SLC49A3: variants seen among roughly 807,000 people sequenced by gnomAD.
SLC49A3 encodes the protein solute carrier family 49 member 3.
A neutral mutation model predicts 43.8 loss-of-function variants in SLC49A3; 50 were observed. The observed-to-expected ratio is 1.14, with a 90% CI of 0.91 to 1.45. SLC49A3 has a LOEUF of 1.45. Among genes scored for constraint, SLC49A3 ranks in the 40% most tolerant of loss-of-function variants. The pLI is 0.00. For synonymous variants in SLC49A3, 413 were observed against 352.0 expected (o/e 1.17, Z -1.94); for missense variants, 906 against 774.1 (o/e 1.17, Z -2.02).
At chr4:677,759 T>G (rs117608218), downstream of SLC49A3, among the ~76,000 whole-genome samples, 1,792 of 151,844 alleles carry the variant, frequency 0.012, 21 homozygotes, top group South Asian at 0.039. Context: ...CTCCCCGGGG[T>G]TCGGGGACAG....
At chr4:683,814 T>A (rs985689450) in intron 6 of SLC49A3, 53 bp from the exon 7 acceptor site, 1 of 1,522,288 alleles carries the variant, frequency 6.6e-7, no homozygotes, top group Non-Finnish European at 8.8e-7. Context: ...TTATCCTAGG[T>A]GCATGCCGTC....
chr4:688,957 G>A, intron 1 of SLC49A3, 36 bp downstream of exon 1: 1 of 1,575,032 alleles, frequency 6.3e-7, no homozygotes, highest in Non-Finnish European at 8.6e-7. Flanking sequence ...AGGGACTGAG[G>A]GTCCCGGAGC....
At chr4:678,383 T>C (rs1022172188), downstream of SLC49A3, 2 of 1,414,222 alleles carry the variant, frequency 1.4e-6, no homozygotes, top group African/African-American at 2.9e-5. Flanking sequence ...TGGCTCCTGC[T>C]GGACGGCGAT....
chr4:681,187 C>G, downstream of SLC49A3: 1 of 1,575,064 alleles, frequency 6.3e-7, no homozygotes, highest in Non-Finnish European at 8.6e-7. Context: ...GAGGGCGGGG[C>G]TCCCGGGGTC....
chr4:686,289 G>C lies in SLC49A3; in HGVS notation c.308C>G (p.Ala103Gly). ...CACACTCCCGGCAAAGTTCAGCCAC[G>C]CACCCAGGATGGTCTGCGAGGAGGG... ...VGLRAATILGAWLNFAGSVLR... is the reference protein window; with the variant it reads ...VGLRAATILGGWLNFAGSVLR... Residue 103 changes from alanine (A) to glycine (G), a missense_variant, in exon 3 of 10, where the codon GCG (alanine) becomes GGG (glycine). Coordinates refer to ENST00000322224, the MANE Select transcript of SLC49A3 (RefSeq NM_032219.4). 1 of 1,613,242 alleles carries C rather than the reference G, an allele frequency of 6.2e-7. No homozygotes were observed. The highest frequency in any genetic ancestry group is 8.5e-7 in the Non-Finnish European group (1 of 1,180,010).
Position 683,367 on chromosome 4 carries a change from C to T in SLC49A3, c.994G>A (p.Val332Met), listed in dbSNP as rs146909066. The T allele has an allele frequency of 2.2e-5, 35 of 1,607,004 alleles. No homozygotes were observed. Among genetic ancestry groups the T allele is most frequent in the Admixed American group, 3.4e-5 (2 of 59,194 alleles). The change falls in exon 8 of 10, where the codon GTG becomes ATG. Residue 332 changes from valine (V) to methionine (M), a missense_variant and splice_region_variant. Val to Met is a conservative substitution (Grantham distance 21). Transcript: ENST00000322224. The stretch of plus-strand genomic sequence containing the variant: ...AGGGTCTGTCCCTGCAGCTGGGACA[C>T]CTGGGAGCAGCGGAACGGCAGGCAG... ...FSLACVPFAL[V>M]SQLQGQTLAL...
At chr4:678,069 G>T (rs759531676), downstream of SLC49A3, 7 of 1,610,760 alleles carry the variant, frequency 4.3e-6, no homozygotes, top group Non-Finnish European at 5.9e-6. Flanking sequence ...AGGCGTGTGG[G>T]TGTGAGCTGT....
chr4:679,772 C>G (rs953792878), downstream of SLC49A3: 6 of 667,604 alleles, frequency 9.0e-6, no homozygotes, highest in African/African-American at 9.1e-5. Context: ...ACCCACTGCC[C>G]CACGTGCCTG....
chr4:681,192 G>A, downstream of SLC49A3: 2 of 1,565,226 alleles, frequency 1.3e-6, no homozygotes, highest in Non-Finnish European at 1.7e-6. Context: ...CGGGGCTCCC[G>A]GGGTCAGCTG....
chr4:681,034 C>A, downstream of SLC49A3: 4 of 1,552,232 alleles, frequency 2.6e-6, no homozygotes, highest in South Asian at 4.7e-5. Flanking sequence ...CTGAGCCCCA[C>A]CGAGAAGGCT....
upstream of SLC49A3, among the ~76,000 whole-genome samples, chr4:691,563 C>T (rs1253293949): frequency 6.6e-6 from 1 of 151,714 alleles, no homozygotes; most frequent in African/African-American, 2.4e-5. Flanking sequence ...CCACTGCACT[C>T]CAACCTGGGC....
At chr4:689,349 C>T (rs1270702327), upstream of SLC49A3, 2 of 318,514 alleles carry the variant, frequency 6.3e-6, no homozygotes, top group Admixed American at 5.0e-5. Flanking sequence ...GAAGTTGGAC[C>T]CTCCTCCTTC....
chr4:682,456 G>C, intron 9 of SLC49A3, 80 bp from the exon 10 acceptor site: 3 of 1,268,356 alleles, frequency 2.4e-6, no homozygotes, highest in Non-Finnish European at 3.0e-6. Flanking sequence ...GGCCTATGGT[G>C]ACCCCACTAC....
At chr4:678,536 C>G, downstream of SLC49A3, 8 of 1,465,230 alleles carry the variant, frequency 5.5e-6, no homozygotes, top group South Asian at 4.3e-5. Flanking sequence ...GCTGTCTGGC[C>G]CCCTCCAGCC....
intron 5 of SLC49A3, 58 bp from the exon 6 acceptor site, chr4:684,657 C>T: frequency 1.2e-6 from 2 of 1,608,338 alleles, no homozygotes; most frequent in South Asian, 1.1e-5. Flanking sequence ...AACCCATCGC[C>T]TCCTCAGCCT....
chr4:678,469 T>A, downstream of SLC49A3: 2 of 1,432,360 alleles, frequency 1.4e-6, no homozygotes. Flanking sequence ...GCCAGACACC[T>A]GCAGCCGTCC....
chr4:677,138 CT>C (rs762690686), downstream of SLC49A3, among the ~76,000 whole-genome samples: 1 of 152,240 alleles, frequency 6.6e-6, no homozygotes, highest in Non-Finnish European at 1.5e-5. Flanking sequence ...CTGTTACCTA[CT>C]GCGTCCCACG....
At position 683,449 on chromosome 4, in the gene SLC49A3, G is replaced by A. The variant is rs914789439; in HGVS notation, c.994-82C>T. 36 of 1,530,050 alleles carry A rather than the reference G, an allele frequency of 2.4e-5. No individual in the cohort carries two copies. In the Admixed American group the frequency reaches 3.0e-4, roughly 13 times the overall value. 94.8% of individuals were successfully genotyped at this position (1,530,050 alleles called of 1,614,324 possible). A position where few individuals can be genotyped will look rare whatever the true frequency, so the allele number is the denominator to read the frequency against. The stretch of plus-strand genomic sequence containing the variant: ...CCTGGCTTCACGGGACATGGGACAC[G>A]GGGCAGGAGAACCCATCCCACCCCG... On this transcript the variant is annotated intron_variant, in intron 7 of 9. Transcript: ENST00000322224.
chr4:689,249 G>C (rs868299472), upstream of SLC49A3: 138 of 552,628 alleles, frequency 2.5e-4, no homozygotes, highest in Middle Eastern at 7.5e-3. Flanking sequence ...GCCACGGGGG[G>C]CCAGTTCCGC....
Sources: gnomAD v4.1 joint callset for allele counts (sites outside exome capture counted in the v4.1 genomes callset) on GRCh38, gnomAD v4.1.1 for gene constraint, MANE v1.5 for transcripts, NCBI Gene and HGNC (gene_info 2026-07-23, HGNC 2026-07-21) for gene names.